Variants in MARS1 observed in about 807,000 individuals in gnomAD.
MARS1 encodes the protein methionyl-tRNA synthetase 1.
MARS1 carries 80 observed loss-of-function variants against 119.5 expected under a neutral mutation model. The observed-to-expected ratio is 0.67, with a 90% confidence interval of 0.56 to 0.81. The LOEUF (loss-of-function observed/expected upper bound fraction) is 0.81, where lower values mean the gene tolerates loss of function less well. MARS1 is among the 30% of genes least tolerant of loss of function. The pLI is 0.00. For synonymous variants in MARS1, 418 were observed against 433.4 expected (o/e 0.96, Z 0.44); for missense variants, 945 against 1,116.5 (o/e 0.85, Z 2.19).
intron 18 of MARS1, 75 bp from the exon 19 acceptor site, chr12:57,515,845 G>T: frequency 9.3e-7 from 1 of 1,072,294 alleles, no homozygotes. Flanking sequence ...GATTGGGGTT[G>T]GAGAGGTCAT....
rs778106796 is a variant in MARS1, at chr12:57,490,280, T to C, written c.564T>C (p.Thr188=). 1.9e-6 allele frequency: 3 copies of C among 1,613,410 alleles called. No homozygotes were observed. Among genetic ancestry groups the C allele is most frequent in the East Asian group, 2.2e-5 (1 of 44,892 alleles). ...AACCATGTCAGCGAGCTGCAGAGAC[T>C]GTACTGAAACAGCAAGGTGTCCTGG... The part of the protein sequence containing the change: ...TQEPCQRAAE[T]VLKQQGVLAL... Residue 188 remains threonine, a synonymous_variant, in exon 6 of 21, where the codon ACT becomes ACC. Transcript: ENST00000262027.
chr12:57,500,030 C>T, intron 9 of MARS1: 1 of 396,378 alleles, frequency 2.5e-6, no homozygotes, highest in Non-Finnish European at 4.8e-6. Flanking sequence ...CAGTCCTATC[C>T]TATTGGAGAT....
At chr12:57,498,671 G>A (rs1876763818) in intron 9 of MARS1, 48 bp downstream of exon 9, 1 of 1,557,332 alleles carries the variant, frequency 6.4e-7, no homozygotes, top group African/African-American at 1.4e-5. Flanking sequence ...GGCTGAGACT[G>A]GGAACAGTGG....
At chr12:57,506,765 C>G (rs898695930) in intron 11 of MARS1, among the ~76,000 whole-genome samples, 7 of 145,422 alleles carry the variant, frequency 4.8e-5, no homozygotes, top group African/African-American at 1.6e-4. Context: ...CAACCTCCAC[C>G]TCCCAGGTTC....
At chr12:57,507,163 TG>T (rs1166446435) in intron 11 of MARS1, among the ~76,000 whole-genome samples, 1 of 152,072 alleles carries the variant, frequency 6.6e-6, no homozygotes, top group Admixed American at 6.5e-5. Flanking sequence ...AGCACAGGGT[TG>T]GGGGTAAGGT....
Position 57,488,121 on chromosome 12 carries a change from G to A in MARS1, c.31G>A (p.Gly11Ser), listed in dbSNP as rs750309467. 2.4e-5 allele frequency: 39 copies of A among 1,614,072 alleles called. No homozygotes were observed. Among genetic ancestry groups the A allele is most frequent in the Non-Finnish European group, 3.1e-5 (37 of 1,180,050 alleles). MRLFVSDGVP[G>S]CLPVLAAAGR... The stretch of plus-strand genomic sequence containing the variant: ...ACTGTTCGTGAGTGATGGCGTCCCG[G>A]GTTGCTTGCCGGTGCTGGCCGCCGC... The change falls in exon 1 of 21, where the codon GGT becomes AGT. Residue 11 changes from glycine (G) to serine (S), a missense_variant. Transcript: ENST00000262027.
At chr12:57,488,504 C>A in intron 1 of MARS1, 2 of 1,439,142 alleles carry the variant, frequency 1.4e-6, no homozygotes, top group South Asian at 2.5e-5. Flanking sequence ...ATCAGGCATC[C>A]CCCTCTGCTC....
chr12:57,502,951 G>A (rs539207914), intron 10 of MARS1, among the ~76,000 whole-genome samples: 20 of 152,082 alleles, frequency 1.3e-4, no homozygotes, highest in South Asian at 2.1e-4. Flanking sequence ...GCTTGAACCC[G>A]GGAGGTGGAG....
intron 7 of MARS1, among the ~76,000 whole-genome samples, chr12:57,497,426 A>AG (rs1414634753): frequency 1.3e-5 from 2 of 152,194 alleles, no homozygotes; most frequent in East Asian, 3.8e-4. Context: ...GAAAGATGAT[A>AG]GGAGCCTTAG....
At chr12:57,497,997 C>T (rs562215366) in intron 7 of MARS1, among the ~76,000 whole-genome samples, 160 bp from the exon 8 acceptor site, 12 of 152,156 alleles carry the variant, frequency 7.9e-5, no homozygotes, top group Middle Eastern at 3.4e-3. Flanking sequence ...TAGAGTGCCT[C>T]GGGAAGCTGT....
chr12:57,507,175 T>G (rs1437095589), intron 11 of MARS1, among the ~76,000 whole-genome samples: 1 of 152,114 alleles, frequency 6.6e-6, no homozygotes, highest in Non-Finnish European at 1.5e-5. Context: ...GGGGTAAGGT[T>G]ATAGATCAAC....
At chr12:57,497,963 C>T (rs761386370) in intron 7 of MARS1, among the ~76,000 whole-genome samples, 194 bp from the exon 8 acceptor site, 11 of 152,060 alleles carry the variant, frequency 7.2e-5, no homozygotes, top group Non-Finnish European at 1.0e-4. Flanking sequence ...TGGCAGTGCC[C>T]TGTATTTGCA....
At chr12:57,499,023 C>A (rs1565644341) in intron 9 of MARS1, among the ~76,000 whole-genome samples, 1 of 152,100 alleles carries the variant, frequency 6.6e-6, no homozygotes, top group South Asian at 2.1e-4. Flanking sequence ...GTGGCTCATA[C>A]CTGTAATCCC....
intron 11 of MARS1, among the ~76,000 whole-genome samples, chr12:57,507,824 C>T (rs1315736258): frequency 4.7e-5 from 7 of 150,072 alleles, no homozygotes; most frequent in Admixed American, 2.6e-4. Context: ...CCCTCCCGGA[C>T]GGGGTGGCTG....
intron 7 of MARS1, among the ~76,000 whole-genome samples, chr12:57,490,979 C>T (rs572598958): frequency 2.0e-5 from 3 of 150,186 alleles, no homozygotes; most frequent in Non-Finnish European, 4.4e-5. Context: ...CGGGTTCAAG[C>T]GAGTCTCCTG....
chr12:57,499,529 G>A (rs1363704619), intron 9 of MARS1, among the ~76,000 whole-genome samples: 4 of 151,070 alleles, frequency 2.6e-5, no homozygotes, highest in East Asian at 1.9e-4. Flanking sequence ...GCATGAACCC[G>A]GGAGGCAGAG....
At chr12:57,503,742 A>C (rs952660089) in intron 10 of MARS1, among the ~76,000 whole-genome samples, 7 of 151,878 alleles carry the variant, frequency 4.6e-5, no homozygotes, top group African/African-American at 1.7e-4. Flanking sequence ...GGGTTTCACT[A>C]TGTTGGCCAG....
chr12:57,508,707 G>GTAGAGGGTAGAGGGTAGAGA (rs57783219), intron 11 of MARS1, among the ~76,000 whole-genome samples: 2 of 15,448 alleles, frequency 1.3e-4, no homozygotes, highest in Non-Finnish European at 2.6e-4. Flanking sequence ...AGAGGTAGAG[G>GTAGAGGGTAGAGGGTAGAGA]GTAGAGGGTA....
intron 13 of MARS1, 32 bp downstream of exon 13, chr12:57,512,135 G>A (rs748698433): frequency 6.2e-7 from 1 of 1,608,784 alleles, no homozygotes; most frequent in East Asian, 2.2e-5. Flanking sequence ...TGTGCATGGG[G>A]AGGGTAGGCG....
Sources: gnomAD v4.1 joint callset for allele counts (sites outside exome capture counted in the v4.1 genomes callset) on GRCh38, gnomAD v4.1.1 for gene constraint, MANE v1.5 for transcripts, NCBI Gene and HGNC (gene_info 2026-07-23, HGNC 2026-07-21) for gene names.